The following LAMB4 variants were observed in gnomAD, a reference collection of about 807,000 sequenced individuals.
LAMB4 encodes laminin subunit beta-4.
Under a neutral mutation model 199.2 loss-of-function variants are expected in LAMB4, and 196 were observed. That is an observed-to-expected ratio of 0.98 (90% CI 0.88 to 1.11). The LOEUF (loss-of-function observed/expected upper bound fraction) is 1.11. Among genes scored for constraint, LAMB4 ranks in the 50% least tolerant of loss-of-function variants. The pLI, the probability that LAMB4 is intolerant of heterozygous loss-of-function variation, is 0.00. For synonymous variants in LAMB4, 744 were observed against 770.6 expected, an observed-to-expected ratio of 0.97 and a Z score of 0.57; for missense variants, 2,080 against 2,171.2, an observed-to-expected ratio of 0.96 and a Z score of 0.83.
chr7:108,026,809 G>C (rs1268770791), intron 33 of LAMB4: 5 of 472,880 alleles, frequency 1.1e-5, no homozygotes, highest in African/African-American at 2.0e-5. Context: ...TCCTAACAGA[G>C]AGGAACAGGC....
Position 108,023,925 on chromosome 7 carries a change from G to A in LAMB4, c.*114C>T, listed in dbSNP as rs2034746227. The A allele has an allele frequency of 8.3e-6, 7 of 842,238 alleles. No individual in the cohort carries two copies. The South Asian group carries it at 1.6e-4, about 19-fold the overall frequency. The allele number at this position is 842,238 out of a possible 1,614,324, so 52.2% of individuals were successfully genotyped here. ...AGCAGGTGTCTAATAAGGACAGGGTGTGGGGAAGGAAGGTAGAAGACATTG... is the reference window on the plus strand; with the variant it reads ...AGCAGGTGTCTAATAAGGACAGGGTATGGGGAAGGAAGGTAGAAGACATTG... On this transcript the variant is annotated 3_prime_UTR_variant, in exon 34 of 34. Coordinates refer to ENST00000388781, the MANE Select transcript of LAMB4 (RefSeq NM_007356.3).
intron 2 of LAMB4, among the ~76,000 whole-genome samples, chr7:108,119,517 G>A (rs958244681): frequency 1.3e-5 from 2 of 152,176 alleles, no homozygotes; most frequent in African/African-American, 4.8e-5. Context: ...GTGAAAAAAG[G>A]TTATGTACTG....
intron 2 of LAMB4, among the ~76,000 whole-genome samples, chr7:108,120,854 C>A (rs902946735): frequency 2.0e-5 from 3 of 152,034 alleles, no homozygotes; most frequent in African/African-American, 7.2e-5. Context: ...GTTTTTATAA[C>A]CTGACTTGGC....
At chr7:108,063,371 C>G (rs1287218420) in intron 22 of LAMB4, among the ~76,000 whole-genome samples, 1 of 152,144 alleles carries the variant, frequency 6.6e-6, no homozygotes, top group Admixed American at 6.6e-5. Context: ...GGCGTCACTC[C>G]CAGAGATTCT....
chr7:108,099,183 G>A (rs2037733732), intron 10 of LAMB4, among the ~76,000 whole-genome samples: 1 of 152,200 alleles, frequency 6.6e-6, no homozygotes, highest in Admixed American at 6.5e-5. Context: ...ATAGTGAGAA[G>A]TATTCATATC....
At chr7:108,077,903 T>G (rs558285918) in intron 16 of LAMB4, among the ~76,000 whole-genome samples, 1 of 152,312 alleles carries the variant, frequency 6.6e-6, no homozygotes, top group South Asian at 2.1e-4. Context: ...CAGGATATCC[T>G]GGCTAGAATC....
intron 4 of LAMB4, among the ~76,000 whole-genome samples, chr7:108,110,614 C>T (rs2038188984): frequency 6.6e-6 from 1 of 152,166 alleles, no homozygotes; most frequent in Admixed American, 6.5e-5. Context: ...ATCTGTCCCT[C>T]TCTCTAAGGT....
chr7:108,115,628 A>C (rs2038377539), intron 3 of LAMB4, among the ~76,000 whole-genome samples: 1 of 152,190 alleles, frequency 6.6e-6, no homozygotes, highest in Non-Finnish European at 1.5e-5. Flanking sequence ...TGAAATAAAA[A>C]TAAGATTAAC....
intron 17 of LAMB4, among the ~76,000 whole-genome samples, chr7:108,074,601 T>C (rs1223767533): frequency 1.3e-5 from 2 of 152,114 alleles, no homozygotes; most frequent in African/African-American, 4.8e-5. Flanking sequence ...ATACCTGGCC[T>C]CAAGTGGTCT....
chr7:108,065,719 TG>T (rs769341362), intron 21 of LAMB4, 42 bp downstream of exon 21: 1 of 1,527,786 alleles, frequency 6.5e-7, no homozygotes, highest in Admixed American at 1.8e-5. Context: ...GATTACAGTG[TG>T]GGATAAAGAG....
At chr7:108,115,102 G>A (rs770525368) in intron 3 of LAMB4, among the ~76,000 whole-genome samples, 12 of 152,178 alleles carry the variant, frequency 7.9e-5, no homozygotes, top group Non-Finnish European at 1.6e-4. Flanking sequence ...CATTAAATGA[G>A]TCAATTAGGT....
intron 31 of LAMB4, among the ~76,000 whole-genome samples, chr7:108,032,478 T>C (rs964594020): frequency 6.6e-6 from 1 of 152,202 alleles, no homozygotes; most frequent in African/African-American, 2.4e-5. Context: ...TTTAAGGTTG[T>C]TCCTTTGGAG....
downstream of LAMB4, among the ~76,000 whole-genome samples, chr7:108,022,159 C>T (rs2034707675): frequency 6.6e-6 from 1 of 152,168 alleles, no homozygotes; most frequent in African/African-American, 2.4e-5. Context: ...CCAGCCATTT[C>T]TTTTTGTATG....
downstream of LAMB4, among the ~76,000 whole-genome samples, chr7:108,020,363 C>A (rs1026761019): frequency 4.0e-5 from 6 of 149,298 alleles, no homozygotes; most frequent in Non-Finnish European, 5.9e-5. Flanking sequence ...CCCAGCTACT[C>A]GGGAGGGTAA....
intron 12 of LAMB4, among the ~76,000 whole-genome samples, chr7:108,093,813 A>C (rs2037497948): frequency 6.6e-6 from 1 of 152,166 alleles, no homozygotes; most frequent in Non-Finnish European, 1.5e-5. Flanking sequence ...TCTTGGTATA[A>C]TTTTATGCAT....
In LAMB4 at chr7:108,056,971, CAAAAAA is replaced by C. The variant is rs553536221; in HGVS notation, c.3379+855_3379+860del. Among the ~76,000 whole-genome samples the C allele has an allele frequency of 7.7e-5, 4 of 51,816 alleles. No homozygotes were observed. In the South Asian group the frequency reaches 2.0e-3, roughly 26 times the overall value. The allele number at this position is 51,816 out of a possible 152,430, so 34.0% of individuals were successfully genotyped here. Reference sequence around the variant, plus strand: ...AGGCAACCAGAGTGAGACCCTGTCTCAAAAAAAAAAAAAAAAAAAGCATTTGTCAGT... The same window carrying C: ...AGGCAACCAGAGTGAGACCCTGTCTCAAAAAAAAAAAAAGCATTTGTCAGT... On this transcript the variant is annotated intron_variant, in intron 24 of 33. Transcript: ENST00000388781.
intron 29 of LAMB4, among the ~76,000 whole-genome samples, chr7:108,039,408 A>C (rs2035339441): frequency 6.6e-6 from 1 of 152,118 alleles, no homozygotes; most frequent in Admixed American, 6.5e-5. Flanking sequence ...TTGTGAGGGA[A>C]GTAAAATGAC....
At chr7:108,093,665 TATA>T (rs1489189963) in intron 12 of LAMB4, among the ~76,000 whole-genome samples, 7 of 152,172 alleles carry the variant, frequency 4.6e-5, no homozygotes, top group Admixed American at 1.3e-4. Flanking sequence ...TTCTAAGTGT[TATA>T]ATATTTAGTA....
In LAMB4 at chr7:108,028,752, C is replaced by T. The variant is rs187476605; in HGVS notation, c.5146+291G>A. Among the ~76,000 whole-genome samples, 15 of 152,272 alleles carry T rather than the reference C, an allele frequency of 9.9e-5. No individual in the cohort carries two copies. In the East Asian group the frequency reaches 2.9e-3, roughly 29 times the overall value. Reference sequence around the variant, plus strand: ...TTGGCCTCCCAAAATGCTGGGATTACAGGTGTGAGCCACTGTGCCCAGCCA... The same window carrying T: ...TTGGCCTCCCAAAATGCTGGGATTATAGGTGTGAGCCACTGTGCCCAGCCA... On this transcript the variant is annotated intron_variant, in intron 33 of 33. Transcript: ENST00000388781.
Sources: gnomAD v4.1 joint callset for allele counts (sites outside exome capture counted in the v4.1 genomes callset) on GRCh38, gnomAD v4.1.1 for gene constraint, MANE v1.5 for transcripts, NCBI Gene and HGNC (gene_info 2026-07-23, HGNC 2026-07-21) for gene names.